The following TRPC6 variants were observed in gnomAD, a reference collection of about 807,000 sequenced individuals.
TRPC6 encodes the protein transient receptor potential cation channel subfamily C member 6.
A neutral mutation model predicts 90.7 loss-of-function variants in TRPC6; 55 were observed. The observed-to-expected ratio is 0.61, with a 90% confidence interval of 0.49 to 0.76. TRPC6 has a LOEUF of 0.76. TRPC6 is among the 30% of genes least tolerant of loss of function. TRPC6 has a pLI of 0.00. For missense variants in TRPC6, 989 were observed against 1,122.7 expected, an observed-to-expected ratio of 0.88 and a Z score of 1.70; for synonymous variants, 393 against 393.0, an observed-to-expected ratio of 1.00 and a Z score of 0.00.
chr11:101,559,213 C>G (rs1861656321), intron 1 of TRPC6, among the ~76,000 whole-genome samples: 1 of 151,806 alleles, frequency 6.6e-6, no homozygotes, highest in Non-Finnish European at 1.5e-5. Flanking sequence ...ATAGACATTT[C>G]TCAAAAGAAG....
intron 1 of TRPC6, among the ~76,000 whole-genome samples, chr11:101,540,433 G>A (rs778724988): frequency 5.3e-5 from 8 of 152,166 alleles, no homozygotes; most frequent in African/African-American, 1.2e-4. Flanking sequence ...TCTTCACAGC[G>A]TATTTTTAAA....
chr11:101,495,107 T>C (rs540086583), intron 2 of TRPC6, among the ~76,000 whole-genome samples: 4 of 152,336 alleles, frequency 2.6e-5, no homozygotes, highest in African/African-American at 9.6e-5. Context: ...ACACCTACAC[T>C]GTACATTCAT....
At chr11:101,493,191 T>G (rs150210606) in intron 2 of TRPC6, among the ~76,000 whole-genome samples, 7 of 152,306 alleles carry the variant, frequency 4.6e-5, no homozygotes, top group African/African-American at 1.4e-4. Context: ...CTGGGCCACA[T>G]TGGAAGAAGA....
chr11:101,550,853 C>A (rs1861433760), intron 1 of TRPC6, among the ~76,000 whole-genome samples: 1 of 151,500 alleles, frequency 6.6e-6, no homozygotes, highest in Non-Finnish European at 1.5e-5. Context: ...AATATATGTG[C>A]TTAACTATAC....
intron 2 of TRPC6, among the ~76,000 whole-genome samples, chr11:101,501,599 T>C (rs2136734067): frequency 6.6e-6 from 1 of 152,192 alleles, no homozygotes; most frequent in Middle Eastern, 3.4e-3. Context: ...CCTGTGAGTT[T>C]ACACACAAAG....
At chr11:101,556,489 G>A (rs1203358988) in intron 1 of TRPC6, among the ~76,000 whole-genome samples, 11 of 152,114 alleles carry the variant, frequency 7.2e-5, no homozygotes, top group Admixed American at 5.9e-4. Context: ...CATAGAACCC[G>A]CCAAGACTGA....
At chr11:101,569,161 G>T (rs1165596572) in intron 1 of TRPC6, among the ~76,000 whole-genome samples, 1 of 151,036 alleles carries the variant, frequency 6.6e-6, no homozygotes, top group Non-Finnish European at 1.5e-5. Context: ...TAAAGGGATG[G>T]AGGAATATTT....
At chr11:101,548,164 TTC>T (rs1199009615) in intron 1 of TRPC6, among the ~76,000 whole-genome samples, 6 of 150,236 alleles carry the variant, frequency 4.0e-5, no homozygotes, top group Non-Finnish European at 7.4e-5. Context: ...TTCTAAAATA[TTC>T]TCTCTTTTCA....
intron 9 of TRPC6, among the ~76,000 whole-genome samples, chr11:101,470,306 A>C (rs1019509326): frequency 2.6e-5 from 4 of 152,226 alleles, no homozygotes; most frequent in African/African-American, 9.6e-5. Context: ...TTTGAAAAAC[A>C]AGTGTACTTC....
At chr11:101,575,446 ATTTGGCAAGTCACCTACC>A (rs1399138346) in intron 1 of TRPC6, among the ~76,000 whole-genome samples, 1 of 152,146 alleles carries the variant, frequency 6.6e-6, no homozygotes, top group African/African-American at 2.4e-5. Context: ...GCTGTGTAGC[ATTTGGCAAGTCACCTACC>A]TTCTTTTTAC....
chr11:101,534,630 A>G (rs1262757196), intron 1 of TRPC6, among the ~76,000 whole-genome samples: 2 of 152,214 alleles, frequency 1.3e-5, no homozygotes, highest in Non-Finnish European at 2.9e-5. Flanking sequence ...ATAAAAGATT[A>G]ATAACTCCAT....
At chr11:101,582,564 TA>T (rs10712341) in intron 1 of TRPC6, among the ~76,000 whole-genome samples, 110,209 of 149,000 alleles carry the variant, frequency 0.74, 40,979 homozygotes, top group East Asian at 0.99. Context: ...CCCACCCAGC[TA>T]AAAAAAAAAA....
At chr11:101,485,938 G>A (rs533010963) in intron 4 of TRPC6, among the ~76,000 whole-genome samples, 1 of 151,892 alleles carries the variant, frequency 6.6e-6, no homozygotes, top group Non-Finnish European at 1.5e-5. Context: ...GCCCCTACCT[G>A]GCTTCCCTTC....
chr11:101,478,393 G>C (rs925811162), intron 5 of TRPC6, among the ~76,000 whole-genome samples: 8 of 152,060 alleles, frequency 5.3e-5, no homozygotes, highest in African/African-American at 1.9e-4. Flanking sequence ...TCAGCCTCAC[G>C]AGGAGATGCG....
In TRPC6 at chr11:101,563,544, CTTTTT is replaced by C. The variant is rs551771148; in HGVS notation, c.170+19785_170+19789del. On this transcript the variant is annotated intron_variant, in intron 1 of 12. Transcript: ENST00000344327. ...ATTGTCTGTAGGCTGTGTAGGTAATCTTTTTTTTTATTAATTTCTTGTTCCTAGTA... is the reference window on the plus strand; with the variant it reads ...ATTGTCTGTAGGCTGTGTAGGTAATCTTTTATTAATTTCTTGTTCCTAGTA... Among the ~76,000 whole-genome samples, 7 of 151,462 alleles carry C rather than the reference CTTTTT, an allele frequency of 4.6e-5. No homozygotes were observed. The East Asian group carries it at 9.7e-4, about 21-fold the overall frequency.
chr11:101,481,655 C>G (rs1859554272), intron 5 of TRPC6, among the ~76,000 whole-genome samples: 1 of 152,120 alleles, frequency 6.6e-6, no homozygotes, highest in African/African-American at 2.4e-5. Context: ...TGGGGTTTAC[C>G]TATTAGGGTG....
Position 101,491,366 on chromosome 11 carries a change from G to A in TRPC6, c.1128+190C>T, listed in dbSNP as rs1313313421. 1.2e-5 allele frequency: 7 copies of A among 567,848 alleles called. No individual in the cohort carries two copies. In the East Asian group the frequency reaches 1.8e-4, roughly 14 times the overall value. 35.2% of individuals were successfully genotyped at this position (567,848 alleles called of 1,614,324 possible). On this transcript the variant is annotated intron_variant, in intron 3 of 12. Transcript: ENST00000344327. Reference sequence around the variant, plus strand: ...GGAGAATGGCCTGAACCCGGGAGGCGGAGCTTGCAGTGAGCCGAGATCGCA... The same window carrying A: ...GGAGAATGGCCTGAACCCGGGAGGCAGAGCTTGCAGTGAGCCGAGATCGCA...
intron 10 of TRPC6, among the ~76,000 whole-genome samples, chr11:101,459,906 A>G (rs1162146743): frequency 1.3e-5 from 2 of 152,192 alleles, no homozygotes; most frequent in Non-Finnish European, 2.9e-5. Flanking sequence ...TCAAAGTACC[A>G]ATTTAATCTT....
At chr11:101,482,903 C>T in intron 5 of TRPC6, 46 bp downstream of exon 5, 1 of 1,587,786 alleles carries the variant, frequency 6.3e-7, no homozygotes, top group South Asian at 1.1e-5. Flanking sequence ...TTCAGTCCAA[C>T]TGCTAAGACT....
Sources: allele counts gnomAD v4.1 joint callset (sites outside exome capture counted in the v4.1 genomes callset), GRCh38; gene constraint gnomAD v4.1.1; transcripts MANE v1.5; gene names NCBI Gene and HGNC (gene_info 2026-07-23, HGNC 2026-07-21).